TTC7A: variants seen among roughly 807,000 people sequenced by gnomAD.
The protein encoded by TTC7A is tetratricopeptide repeat domain 7A, also known as tetratricopeptide repeat protein 7A.
Under a neutral mutation model 103.7 loss-of-function variants are expected in TTC7A, and 110 were observed. The observed-to-expected ratio is 1.06, with a 90% CI of 0.91 to 1.24. The LOEUF is 1.24. Among genes scored for constraint, TTC7A ranks in the 50% most tolerant of loss-of-function variants. TTC7A has a pLI of 0.00. For missense variants in TTC7A, 1,340 were observed against 1,116.3 expected, an observed-to-expected ratio of 1.20 and a Z score of -2.86; for synonymous variants, 521 against 467.9, an observed-to-expected ratio of 1.11 and a Z score of -1.47.
intron 16 of TTC7A, 150 bp from the exon 17 acceptor site, chr2:47,049,799 T>C: frequency 1.6e-6 from 1 of 630,384 alleles, no homozygotes; most frequent in Non-Finnish European, 2.8e-6. Context: ...AGCTCTGTCT[T>C]TGGGCCTGAA....
chr2:46,964,836 C>G (rs1245090442), intron 3 of TTC7A, among the ~76,000 whole-genome samples: 1 of 152,184 alleles, frequency 6.6e-6, no homozygotes, highest in Non-Finnish European at 1.5e-5. Flanking sequence ...TTTCTCCAGC[C>G]ATTCATTCTA....
intron 18 of TTC7A, among the ~76,000 whole-genome samples, chr2:47,056,965 G>A (rs1295094924): frequency 6.6e-6 from 1 of 152,184 alleles, no homozygotes. Flanking sequence ...AAAATTCAAG[G>A]AAAATGTGGT....
At chr2:46,919,988 T>C (rs1669015830) in intron 2 of TTC7A, among the ~76,000 whole-genome samples, 1 of 152,196 alleles carries the variant, frequency 6.6e-6, no homozygotes, top group Non-Finnish European at 1.5e-5. Context: ...TGTTAAAAGC[T>C]TGGAATTTTG....
intron 11 of TTC7A, among the ~76,000 whole-genome samples, chr2:47,012,663 C>G (rs1244337302): frequency 6.6e-6 from 1 of 152,220 alleles, no homozygotes; most frequent in Non-Finnish European, 1.5e-5. Context: ...ATTCCATGTT[C>G]CAACCTTTCT....
At position 46,947,532 on chromosome 2, in the gene TTC7A, A is replaced by G. The variant is rs1671041651; in HGVS notation, c.185-2831A>G. Among the ~76,000 whole-genome samples the G allele has an allele frequency of 2.0e-5, 3 of 152,282 alleles. No homozygotes were observed. In the South Asian group the frequency reaches 6.2e-4, roughly 32 times the overall value. On this transcript the variant is annotated intron_variant, in intron 1 of 19. Coordinates refer to ENST00000319190, the MANE Select transcript of TTC7A (RefSeq NM_020458.4). ...GGAGTTCGAGACCAGCCTGGCCAACATGGTAAAACCCCGTCTCTACCAAAA... is the reference window on the plus strand; with the variant it reads ...GGAGTTCGAGACCAGCCTGGCCAACGTGGTAAAACCCCGTCTCTACCAAAA...
At chr2:47,020,586 G>A (rs1378020457) in intron 11 of TTC7A, among the ~76,000 whole-genome samples, 1 of 152,220 alleles carries the variant, frequency 6.6e-6, no homozygotes, top group Non-Finnish European at 1.5e-5. Context: ...CCACAAGGTG[G>A]CTGTAGGGCT....
At chr2:46,949,178 A>G (rs80142129) in intron 1 of TTC7A, among the ~76,000 whole-genome samples, 4,343 of 152,350 alleles carry the variant, frequency 0.029, 96 homozygotes, top group Middle Eastern at 0.048. Context: ...TCTGGTGGTC[A>G]CAAGACGAGT....
intron 5 of TTC7A, among the ~76,000 whole-genome samples, chr2:46,990,479 G>C (rs1675514198): frequency 6.6e-6 from 1 of 152,168 alleles, no homozygotes; most frequent in African/African-American, 2.4e-5. Context: ...GTCCCTGCAG[G>C]CACTTGTGTC....
chr2:47,001,566 A>C (rs1402884716), intron 8 of TTC7A, among the ~76,000 whole-genome samples: 1 of 152,110 alleles, frequency 6.6e-6, no homozygotes, highest in African/African-American at 2.4e-5. Flanking sequence ...CTTCTAAAGG[A>C]GTAATGCAGG....
chr2:47,066,432 G>A (rs892459931), intron 19 of TTC7A, among the ~76,000 whole-genome samples: 2 of 152,260 alleles, frequency 1.3e-5, no homozygotes, highest in African/African-American at 2.4e-5. Context: ...GCCCATCCAA[G>A]CCCAGAGCCT....
chr2:47,021,626 G>A (rs1324642862), intron 11 of TTC7A, among the ~76,000 whole-genome samples: 1 of 152,238 alleles, frequency 6.6e-6, no homozygotes, highest in Non-Finnish European at 1.5e-5. Flanking sequence ...GGCCCCTACA[G>A]AGGCCATGGG....
At chr2:47,000,609 G>A (rs1225512195) in intron 8 of TTC7A, among the ~76,000 whole-genome samples, 6 of 152,230 alleles carry the variant, frequency 3.9e-5, no homozygotes, top group Non-Finnish European at 4.4e-5. Flanking sequence ...AGAGCCAGTG[G>A]TAATTATGTC....
At chr2:46,958,699 G>T (rs1672114449) in intron 3 of TTC7A, 7 of 461,804 alleles carry the variant, frequency 1.5e-5, no homozygotes, top group South Asian at 1.2e-4. Context: ...CACGCCTGCT[G>T]CCCGGCATGC....
In TTC7A at chr2:47,016,297, C is replaced by A. The variant is rs920761412; in HGVS notation, c.1392+4862C>A. On this transcript the variant is annotated intron_variant, in intron 11 of 19. Coordinates refer to ENST00000319190, the MANE Select transcript of TTC7A (RefSeq NM_020458.4). ...GGTCAGAGAGGAGAAAAATGAAACCCTCCAGAGGGTAGCTGTGAATCAGCA... is the reference window on the plus strand; with the variant it reads ...GGTCAGAGAGGAGAAAAATGAAACCATCCAGAGGGTAGCTGTGAATCAGCA... Among the ~76,000 whole-genome samples, 3 of 152,196 alleles carry A rather than the reference C, an allele frequency of 2.0e-5. No homozygotes were observed. The East Asian group carries it at 5.8e-4, about 29-fold the overall frequency.
chr2:47,025,716 C>T (rs926858825), intron 14 of TTC7A, among the ~76,000 whole-genome samples: 1 of 152,148 alleles, frequency 6.6e-6, no homozygotes, highest in Non-Finnish European at 1.5e-5. Context: ...CTGTTGTTTC[C>T]ACTGTCGTCG....
At chr2:47,066,609 A>G (rs1452297314) in intron 19 of TTC7A, among the ~76,000 whole-genome samples, 1 of 152,132 alleles carries the variant, frequency 6.6e-6, no homozygotes. Flanking sequence ...AACCTAAGAC[A>G]AGCAGCCCTG....
intron 8 of TTC7A, among the ~76,000 whole-genome samples, chr2:47,005,363 G>C (rs903482060): frequency 1.3e-5 from 2 of 152,100 alleles, no homozygotes; most frequent in African/African-American, 4.8e-5. Context: ...CCCAATCCAG[G>C]CACTTTCACA....
intron 2 of TTC7A, among the ~76,000 whole-genome samples, chr2:46,921,796 A>C (rs1431601212): frequency 6.6e-6 from 1 of 152,090 alleles, no homozygotes; most frequent in South Asian, 2.1e-4. Flanking sequence ...GGAGTGTGCA[A>C]CCTAGATCCC....
chr2:46,985,459 C>G (rs1674923197), intron 5 of TTC7A, among the ~76,000 whole-genome samples: 1 of 152,204 alleles, frequency 6.6e-6, no homozygotes, highest in South Asian at 2.1e-4. Context: ...TGTGGCTGGA[C>G]TGTAAATAAT....
Sources: allele counts gnomAD v4.1 joint callset (sites outside exome capture counted in the v4.1 genomes callset), GRCh38; gene constraint gnomAD v4.1.1; transcripts MANE v1.5; gene names NCBI Gene and HGNC (gene_info 2026-07-23, HGNC 2026-07-21).